Variants in KNL1 observed in about 807,000 individuals in gnomAD.
KNL1 encodes the protein outer kinetochore KNL1 complex subunit KNL1.
Under a neutral mutation model 201.3 loss-of-function variants are expected in KNL1, and 66 were observed. That is an observed-to-expected ratio of 0.33 (90% confidence interval 0.27 to 0.40). The LOEUF (loss-of-function observed/expected upper bound fraction) is 0.40, where lower values mean the gene tolerates loss of function less well. KNL1 is among the 10% of genes least tolerant of loss of function. The pLI, the probability that KNL1 is intolerant of heterozygous loss-of-function variation, is 1.00. For missense variants in KNL1, 2,815 were observed against 2,690.5 expected, an observed-to-expected ratio of 1.05 and a Z score of -1.02; for synonymous variants, 895 against 899.2, an observed-to-expected ratio of 1.00 and a Z score of 0.08.
chr15:40,595,828 G>A (rs983170711), intron 1 of KNL1, among the ~76,000 whole-genome samples: 2 of 152,186 alleles, frequency 1.3e-5, no homozygotes, highest in African/African-American at 2.4e-5. Context: ...GGACAGCACA[G>A]GTCTAGAGTC....
At chr15:40,626,605 A>G (rs1170107391) in intron 10 of KNL1, among the ~76,000 whole-genome samples, 3 of 151,824 alleles carry the variant, frequency 2.0e-5, no homozygotes, top group Admixed American at 2.0e-4. Context: ...TTTGAGACAG[A>G]CCCTCGCTCT....
intron 21 of KNL1, among the ~76,000 whole-genome samples, chr15:40,653,390 T>C (rs936344973): frequency 6.6e-6 from 1 of 152,056 alleles, no homozygotes; most frequent in African/African-American, 2.4e-5. Context: ...GGTTTCACCA[T>C]ATGTGTTGTC....
chr15:40,615,352 TAGA>T lies in KNL1; in HGVS notation c.300_302del (p.Glu100del), dbSNP rs1221182378. Reference sequence around the variant, plus strand: ...TTTTTAATTTTTAGGAATAAGAAATTAGAAGATAATTACTGTGAAATTACTGGT... The same window carrying T: ...TTTTTAATTTTTAGGAATAAGAAATTAGATAATTACTGTGAAATTACTGGT... On this transcript the variant is annotated inframe_deletion, in exon 8 of 26. Transcript: ENST00000399668. 1 of 704,798 alleles carries T rather than the reference TAGA, an allele frequency of 1.4e-6. No individual in the cohort carries two copies. Among genetic ancestry groups the T allele is most frequent in the East Asian group, 4.2e-5 (1 of 23,956 alleles). 43.7% of individuals were successfully genotyped at this position (704,798 alleles called of 1,614,324 possible). A position where few individuals can be genotyped will look rare whatever the true frequency, so the allele number is the denominator to read the frequency against.
intron 9 of KNL1, 106 bp downstream of exon 9, chr15:40,619,117 G>A: frequency 1.2e-6 from 1 of 814,850 alleles, no homozygotes; most frequent in Non-Finnish European, 2.1e-6. Flanking sequence ...TTAAAAAAAT[G>A]AATCAGCATA....
At chr15:40,661,415 C>G (rs1893905321) in intron 25 of KNL1, among the ~76,000 whole-genome samples, 1 of 151,668 alleles carries the variant, frequency 6.6e-6, no homozygotes, top group South Asian at 2.1e-4. Context: ...TTGCTTGCAC[C>G]CAGGAGAAAG....
intron 16 of KNL1, chr15:40,646,746 A>G: frequency 3.9e-6 from 1 of 255,168 alleles, no homozygotes; most frequent in South Asian, 5.8e-5. Flanking sequence ...AGTCCCAGCT[A>G]ATCAGGAGGC....
chr15:40,658,117 T>G (rs1469388463), intron 24 of KNL1, among the ~76,000 whole-genome samples: 1 of 150,162 alleles, frequency 6.7e-6, no homozygotes, highest in Admixed American at 6.6e-5. Context: ...AATACAAAAA[T>G]TAGACAGGCA....
intron 8 of KNL1, among the ~76,000 whole-genome samples, chr15:40,616,972 G>A (rs965840192): frequency 2.0e-5 from 3 of 151,660 alleles, no homozygotes; most frequent in East Asian, 1.9e-4. Context: ...TTTTTGAGAC[G>A]GAGTCTCACT....
At chr15:40,597,282 A>G (rs892091056) in intron 1 of KNL1, among the ~76,000 whole-genome samples, 6 of 151,946 alleles carry the variant, frequency 3.9e-5, no homozygotes, top group Admixed American at 1.3e-4. Context: ...ACAGAGTCTC[A>G]CTCACTGTGT....
At position 40,646,856 on chromosome 15, in the gene KNL1, CA is replaced by C. The variant is rs146834597; in HGVS notation, c.6007-109del. Reference sequence around the variant, plus strand: ...TGGGTAACAGAATGAGACTCCGCCTCAAAAAAAAAAAAAAAAAAAAAAGATT... The same window carrying C: ...TGGGTAACAGAATGAGACTCCGCCTCAAAAAAAAAAAAAAAAAAAAAGATT... On this transcript the variant is annotated intron_variant, in intron 16 of 25. Coordinates refer to ENST00000399668, the MANE Select transcript of KNL1 (RefSeq NM_144508.5). The C allele has an allele frequency of 0.17, 33,110 of 190,352 alleles. 124 individuals carry two copies. The highest frequency in any genetic ancestry group is 0.2 in the Non-Finnish European group (21,420 of 105,218). 11.8% of individuals were successfully genotyped at this position (190,352 alleles called of 1,614,324 possible).
chr15:40,609,950 G>T (rs1892100555), intron 5 of KNL1, among the ~76,000 whole-genome samples: 2 of 152,180 alleles, frequency 1.3e-5, no homozygotes, highest in Admixed American at 1.3e-4. Context: ...GAAGTGGGAT[G>T]ATCACTTTAA....
Position 40,657,491 on chromosome 15 carries a change from C to T in KNL1, c.6713+18C>T. On this transcript the variant is annotated intron_variant, in intron 24 of 25. Coordinates refer to ENST00000399668, the MANE Select transcript of KNL1 (RefSeq NM_144508.5). Reference sequence around the variant, plus strand: ...AATAATGAGTAAGTGTATTAGTTCCCAAGGACTGCCATGACAGAGTACTAC... The same window carrying T: ...AATAATGAGTAAGTGTATTAGTTCCTAAGGACTGCCATGACAGAGTACTAC... The T allele has an allele frequency of 1.6e-6, 2 of 1,237,050 alleles. No homozygotes were observed. The highest frequency in any genetic ancestry group is 1.2e-5 in the South Asian group (1 of 82,936). The allele number at this position is 1,237,050 out of a possible 1,614,324, so 76.6% of individuals were successfully genotyped here. A position where few individuals can be genotyped will look rare whatever the true frequency, so the allele number is the denominator to read the frequency against.
chr15:40,656,011 T>C (rs947134157), intron 22 of KNL1, among the ~76,000 whole-genome samples: 1 of 152,234 alleles, frequency 6.6e-6, no homozygotes, highest in African/African-American at 2.4e-5. Context: ...ACTTAGTCTG[T>C]ATCAGGCATG....
At chr15:40,646,964 A>G (rs1374134552) in intron 16 of KNL1, 23 bp from the exon 17 acceptor site, 1 of 993,572 alleles carries the variant, frequency 1.0e-6, no homozygotes, top group Non-Finnish European at 1.6e-6. Flanking sequence ...TTAACTTGAC[A>G]GTCTATAATC....
chr15:40,624,399 T>G lies in KNL1; in HGVS notation c.4135T>G (p.Leu1379Val), dbSNP rs1892664366. The change falls in exon 10 of 26, where the codon TTA (leucine) becomes GTA (valine). Residue 1379 changes from leucine (L) to valine (V), a missense_variant. Physicochemically the swap from Leu to Val is conservative, Grantham distance 32. Around this residue, in one of 3 missense-constraint regions of KNL1, gnomAD observed 2,464 missense variants for 2,291.7 expected, o/e 1.08. Transcript: ENST00000399668. ...EVIQTSTKGQ[L>V]DCVITLHKDQ... ...TATTCAAACCAGTACCAAAGGACAG[T>G]TAGACTGTGTTATAACACTGCACAA... 1 of 1,613,888 alleles carries G rather than the reference T, an allele frequency of 6.2e-7. No individual in the cohort carries two copies. Among genetic ancestry groups the G allele is most frequent in the East Asian group, 2.2e-5 (1 of 44,890 alleles).
intron 7 of KNL1, 75 bp from the exon 8 acceptor site, chr15:40,615,266 C>A: frequency 2.2e-6 from 1 of 460,846 alleles, no homozygotes; most frequent in Non-Finnish European, 3.9e-6. Context: ...ACCTTCTGTA[C>A]TCTTTCAGCT....
chr15:40,612,731 A>C (rs1276641575), intron 7 of KNL1, among the ~76,000 whole-genome samples: 1 of 151,890 alleles, frequency 6.6e-6, no homozygotes, highest in East Asian at 2.0e-4. Context: ...GTTGGCCAGA[A>C]TTGTCTTGGT....
intron 9 of KNL1, among the ~76,000 whole-genome samples, chr15:40,619,342 T>G (rs1003202902): frequency 7.7e-5 from 10 of 130,022 alleles, no homozygotes; most frequent in African/African-American, 2.8e-4. Flanking sequence ...AAAACTGTTG[T>G]AGCACACAGT....
rs141245193 is a variant in KNL1, at chr15:40,661,218, C to T, written c.6837-856C>T. The stretch of plus-strand genomic sequence containing the variant: ...ACAAAACTCTTTGTTTTTGACTGGG[C>T]GTGGTGGCTCATGCCTGTAATCCCA... On this transcript the variant is annotated intron_variant, in intron 25 of 25. Coordinates refer to ENST00000399668, the MANE Select transcript of KNL1 (RefSeq NM_144508.5). Among the ~76,000 whole-genome samples, 550 of 152,000 alleles carry T rather than the reference C, an allele frequency of 3.6e-3. 4 individuals are homozygous for T. The highest frequency in any genetic ancestry group is 0.026 in the East Asian group (135 of 5,156).
Sources: gnomAD v4.1 joint callset for allele counts (sites outside exome capture counted in the v4.1 genomes callset) on GRCh38, gnomAD v4.1.1 for gene constraint, gnomAD v4.1.1 regional missense constraint, MANE v1.5 for transcripts, NCBI Gene and HGNC (gene_info 2026-07-23, HGNC 2026-07-21) for gene names.